The following WDR74 variants were observed in gnomAD, a reference collection of about 807,000 sequenced individuals.
WDR74 encodes WD repeat domain 74, also known as WD repeat-containing protein 74.
WDR74 carries 31 observed loss-of-function variants against 45.6 expected under a neutral mutation model. That is an observed-to-expected ratio of 0.68 (90% CI 0.51 to 0.92). The LOEUF is 0.92. Among genes scored for constraint, WDR74 ranks in the 40% least tolerant of loss-of-function variants. The probability of loss-of-function intolerance (pLI) is 0.00; values close to 1 mark genes in which losing one functional copy is unlikely to be tolerated. For synonymous variants in WDR74, 191 were observed against 192.4 expected (o/e 0.99, Z 0.06); for missense variants, 455 against 497.2 (o/e 0.92, Z 0.81).
rs759125069 is a variant in WDR74 at position 62,839,219 on chromosome 11, G to T, written c.188C>A (p.Ala63Glu). Residue 63 changes from alanine (A) to glutamate (E), a missense_variant, in exon 3 of 11, where the codon GCG becomes GAG. By Grantham distance (107) the Ala-to-Glu change is moderately radical. Coordinates refer to ENST00000278856, the MANE Select transcript of WDR74 (RefSeq NM_001369450.1). ...GCTGAAGTGCTTCACCGTCCTGTCCGCGCAGCCCACCAGCATCTGCGGCAA... is the reference window on the plus strand; with the variant it reads ...GCTGAAGTGCTTCACCGTCCTGTCCTCGCAGCCCACCAGCATCTGCGGCAA... Reference protein sequence around the residue: ...GGETQMLVGCADRTVKHFSTE... With the variant: ...GGETQMLVGCEDRTVKHFSTE... The T allele has an allele frequency of 6.2e-7, 1 of 1,613,496 alleles. No homozygotes were observed.
rs118039126 is a variant in WDR74 at position 62,836,411 on chromosome 11, A to C, written c.294-375T>G. 4.2e-3 allele frequency: 1,121 copies of C among 266,758 alleles called. 24 individuals carry two copies. In the East Asian group the frequency reaches 0.066, roughly 16 times the overall value. The allele number at this position is 266,758 out of a possible 1,614,324, so 16.5% of individuals were successfully genotyped here. A position where few individuals can be genotyped will look rare whatever the true frequency, so the allele number is the denominator to read the frequency against. On this transcript the variant is annotated intron_variant, in intron 3 of 10. Coordinates refer to ENST00000278856, the MANE Select transcript of WDR74 (RefSeq NM_001369450.1). ...ATATTCCAGAGTGCTTTTGCTGTTC[A>C]CAGCTATGTCTAGCATCTGGCTGTA...
At chr11:62,841,709 A>T (rs1046137822), upstream of WDR74, 5 of 152,202 alleles carry the variant, frequency 3.3e-5, no homozygotes, top group Non-Finnish European at 2.9e-5. Context: ...TATTTCCAAA[A>T]ATCCATTTAA....
At chr11:62,835,555 G>C in intron 5 of WDR74, 23 bp from the exon 6 acceptor site, 1 of 1,613,726 alleles carries the variant, frequency 6.2e-7, no homozygotes, top group Non-Finnish European at 8.5e-7. Flanking sequence ...GCAGATGGAG[G>C]ACAGGGCTAT....
chr11:62,838,670 A>G (rs2084995241), intron 3 of WDR74, among the ~76,000 whole-genome samples: 1 of 151,574 alleles, frequency 6.6e-6, no homozygotes. Flanking sequence ...AGGCAGGAGT[A>G]TCGCTTGAAC....
At chr11:62,838,838 T>C (rs2084999864) in intron 3 of WDR74, among the ~76,000 whole-genome samples, 1 of 151,954 alleles carries the variant, frequency 6.6e-6, no homozygotes, top group Non-Finnish European at 1.5e-5. Context: ...CTTAGAGGAT[T>C]ATAATGGAGT....
upstream of WDR74, chr11:62,841,423 A>G (rs572494680): frequency 6.4e-4 from 97 of 152,348 alleles, no homozygotes; most frequent in African/African-American, 2.3e-3. Flanking sequence ...ATTGCTGAAG[A>G]CCACATGGAG....
At chr11:62,838,388 C>G (rs1171455599) in intron 3 of WDR74, among the ~76,000 whole-genome samples, 4 of 151,912 alleles carry the variant, frequency 2.6e-5, no homozygotes. Flanking sequence ...CTCCTGACCT[C>G]AAGTGATCCA....
rs111334796 is a variant in WDR74 at position 62,837,517 on chromosome 11, A to AAC, written c.294-1482_294-1481insGT. Among the ~76,000 whole-genome samples the AAC allele has an allele frequency of 9.5e-3, 1,406 of 147,806 alleles. 21 individuals are homozygous for AAC. Among genetic ancestry groups the AAC allele is most frequent in the African/African-American group, 0.033 (1,337 of 40,486 alleles). ...GTATATAAAAAAAAAACAAAAAACA[A>AAC]AAAAAAAAAAACGCTTCCTTGTTAT... On this transcript the variant is annotated intron_variant, in intron 3 of 10. Coordinates refer to ENST00000278856, the MANE Select transcript of WDR74 (RefSeq NM_001369450.1).
chr11:62,839,056 T>C, intron 3 of WDR74, 58 bp downstream of exon 3: 1 of 1,605,238 alleles, frequency 6.2e-7, no homozygotes, highest in South Asian at 1.1e-5. Flanking sequence ...TCCAGTATCC[T>C]CAGGGAGCAT....
At chr11:62,838,822 T>C (rs1473981995) in intron 3 of WDR74, among the ~76,000 whole-genome samples, 1 of 150,634 alleles carries the variant, frequency 6.6e-6, no homozygotes, top group African/African-American at 2.4e-5. Context: ...GACTTGCCCA[T>C]GGTTACTTAG....
At chr11:62,835,878 C>T (rs764519354) in intron 4 of WDR74, 37 bp from the exon 5 acceptor site, 52 of 1,594,406 alleles carry the variant, frequency 3.3e-5, no homozygotes, top group Non-Finnish European at 3.8e-5. Flanking sequence ...GTTCCAGAGT[C>T]CTTAATCCTC....
At chr11:62,841,743 G>T (rs1029555359), upstream of WDR74, 1 of 152,164 alleles carries the variant, frequency 6.6e-6, no homozygotes, top group East Asian at 1.9e-4. Flanking sequence ...GATAGAGGAC[G>T]TATCAGATAT....
At chr11:62,841,390 A>C (rs530992406), upstream of WDR74, among the ~76,000 whole-genome samples, 1 of 151,932 alleles carries the variant, frequency 6.6e-6, no homozygotes, top group Non-Finnish European at 1.5e-5. Flanking sequence ...AGTTCCAACT[A>C]CCCCAGAGGC....
At position 62,839,124 on chromosome 11, in the gene WDR74, G is replaced by C. The variant is rs774890860; in HGVS notation, c.283C>G (p.Gln95Glu). 1 of 1,613,406 alleles carries C rather than the reference G, an allele frequency of 6.2e-7. No homozygotes were observed. Residue 95 changes from glutamine (Q) to glutamate (E), a missense_variant, in exon 3 of 11, where the codon CAG becomes GAG. Physicochemically the swap from Gln to Glu is conservative, Grantham distance 29. Transcript: ENST00000278856. ...GGEGMFRGLA[Q>E]ADGTLITCVD... ...GGGGATTGGTCTTACCCGTCGGCCT[G>C]GGCGAGGCCACGGAACATGCCCTCC...
chr11:62,839,642 T>G (rs2085018997), upstream of WDR74: 1 of 1,524,834 alleles, frequency 6.6e-7, no homozygotes, highest in Admixed American at 2.0e-5. Context: ...TCGAGTCCGA[T>G]GCAGCGCAGT....
At chr11:62,840,280 C>G (rs956156568), upstream of WDR74, 2 of 152,256 alleles carry the variant, frequency 1.3e-5, no homozygotes, top group African/African-American at 4.8e-5. Context: ...GAGATCGAGA[C>G]CATCTTGGCT....
intron 2 of WDR74, 37 bp from the exon 3 acceptor site, chr11:62,839,272 G>A (rs780134398): frequency 6.8e-6 from 11 of 1,612,062 alleles, no homozygotes; most frequent in Non-Finnish European, 9.3e-6. Context: ...AGGAGAGCGA[G>A]GCTGCTGCGC....
At chr11:62,835,607 C>T (rs1374226038) in intron 5 of WDR74, 75 bp from the exon 6 acceptor site, 1 of 1,613,436 alleles carries the variant, frequency 6.2e-7, no homozygotes, top group African/African-American at 1.3e-5. Context: ...TCCTTCGCCC[C>T]CTAAGTCCAT....
chr11:62,835,520 A>C lies in WDR74; in HGVS notation c.529T>G (p.Trp177Gly). Reference sequence around the variant, plus strand: ...CAGATGGGAACCCGCAAGTCCAGCCAGTCATTCCGCACCTGGTGGGGTGGG... The same window carrying C: ...CAGATGGGAACCCGCAAGTCCAGCCCGTCATTCCGCACCTGGTGGGGTGGG... ...VFRAKNVRNDWLDLRVPIWDQ... is the reference protein window; with the variant it reads ...VFRAKNVRNDGLDLRVPIWDQ... The change falls in exon 6 of 11, where the codon TGG becomes GGG. Residue 177 changes from tryptophan to glycine, a missense_variant. Transcript: ENST00000278856. 1 of 1,613,938 alleles carries C rather than the reference A, an allele frequency of 6.2e-7. No homozygotes were observed. The highest frequency in any genetic ancestry group is 8.5e-7 in the Non-Finnish European group (1 of 1,179,858).
Sources: gnomAD v4.1 joint callset for allele counts (sites outside exome capture counted in the v4.1 genomes callset) on GRCh38, gnomAD v4.1.1 for gene constraint, MANE v1.5 for transcripts, NCBI Gene and HGNC (gene_info 2026-07-23, HGNC 2026-07-21) for gene names.